Variants in IQSEC1 observed in about 807,000 individuals in gnomAD.
IQSEC1 encodes the protein IQ motif and SEC7 domain-containing protein 1.
Under a neutral mutation model 91.0 loss-of-function variants are expected in IQSEC1, and 31 were observed. The ratio of observed to expected loss-of-function variants is 0.34; its 90% CI spans 0.26 to 0.46. The LOEUF is 0.46. Among genes scored for constraint, IQSEC1 ranks in the 20% least tolerant of loss-of-function variants. The probability of loss-of-function intolerance (pLI) is 1.00; values close to 1 mark genes in which losing one functional copy is unlikely to be tolerated. For synonymous variants in IQSEC1, 699 were observed against 662.6 expected (o/e 1.05, Z -0.84); for missense variants, 1,388 against 1,575.6 (o/e 0.88, Z 2.02).
chr3:12,921,960 C>T (rs908185756), intron 5 of IQSEC1, among the ~76,000 whole-genome samples, 160 bp downstream of exon 5: 30 of 152,344 alleles, frequency 2.0e-4, no homozygotes, highest in African/African-American at 4.3e-4. Context: ...GTGCCTGGAA[C>T]GTAGGAGGAG....
intron 2 of IQSEC1, among the ~76,000 whole-genome samples, chr3:13,141,218 G>A (rs1052750214): frequency 6.6e-6 from 1 of 152,142 alleles, no homozygotes; most frequent in Admixed American, 6.5e-5. Context: ...AAGCCAATTT[G>A]GTTTTCCATG....
intron 1 of IQSEC1, among the ~76,000 whole-genome samples, chr3:13,276,212 C>T (rs1049851115): frequency 7.9e-5 from 12 of 151,258 alleles, no homozygotes; most frequent in Non-Finnish European, 1.6e-4. Context: ...CCTCAGCCTC[C>T]CAAGTAGCTG....
At chr3:12,931,484 G>A (rs553087830) in intron 3 of IQSEC1, among the ~76,000 whole-genome samples, 14 of 152,266 alleles carry the variant, frequency 9.2e-5, no homozygotes, top group East Asian at 7.7e-4. Flanking sequence ...GACAATAGGC[G>A]GAAGGTGTTC....
Position 12,908,517 on chromosome 3 carries a change from CG to C in IQSEC1, c.2586del (p.Glu863ArgfsTer26). On this transcript the variant is annotated frameshift_variant, in exon 12 of 14. Transcript: ENST00000613206. LOFTEE classifies it high-confidence loss of function. This position sits in a 1 kb window ranked among gnomAD's most constrained non-coding sequence, Gnocchi z 4.9. ...EMEKHRIESE[L>X]EKQKGVVRPS... ...GGCCGCACGACGCCTTTCTGCTTCT[CG>C]AGCTCCGCTGGAACAGAGAGGGTGA... is the stretch of plus-strand genomic sequence containing the variant. The C allele has an allele frequency of 1.2e-6, 2 of 1,613,556 alleles. No homozygotes were observed. The highest frequency in any genetic ancestry group is 1.7e-6 in the Non-Finnish European group (2 of 1,180,018).
intron 1 of IQSEC1, among the ~76,000 whole-genome samples, chr3:13,009,334 G>A (rs1702772335): frequency 6.6e-6 from 1 of 152,120 alleles, no homozygotes; most frequent in Non-Finnish European, 1.5e-5. Flanking sequence ...TTTCCCCTTT[G>A]TGCCATGAGG....
chr3:12,956,513 C>G (rs886848203), intron 1 of IQSEC1, among the ~76,000 whole-genome samples: 3 of 152,222 alleles, frequency 2.0e-5, no homozygotes, highest in African/African-American at 7.2e-5. Context: ...CCATGGTCAT[C>G]ATAACCACCA....
intron 1 of IQSEC1, among the ~76,000 whole-genome samples, chr3:12,957,915 T>C (rs1379652321): frequency 6.6e-6 from 1 of 152,254 alleles, no homozygotes; most frequent in African/African-American, 2.4e-5. Flanking sequence ...GCTCCACACT[T>C]GGTGTTGTAA....
intron 2 of IQSEC1, among the ~76,000 whole-genome samples, chr3:13,080,192 T>C (rs1000083532): frequency 6.6e-6 from 1 of 152,146 alleles, no homozygotes; most frequent in Non-Finnish European, 1.5e-5. Context: ...ATAGATCCCC[T>C]CATGGGGGAA....
chr3:13,212,316 C>T (rs1449211002), intron 1 of IQSEC1, among the ~76,000 whole-genome samples: 2 of 152,220 alleles, frequency 1.3e-5, no homozygotes, highest in African/African-American at 4.8e-5. Flanking sequence ...TTGCACCTAG[C>T]ATGTTTTTAG....
At chr3:13,241,335 GA>G (rs1424577511) in intron 1 of IQSEC1, among the ~76,000 whole-genome samples, 1 of 152,232 alleles carries the variant, frequency 6.6e-6, no homozygotes, top group Non-Finnish European at 1.5e-5. Flanking sequence ...GGACGACCTG[GA>G]AATCCCCTGC....
At chr3:13,247,006 T>C (rs1472507434) in intron 1 of IQSEC1, among the ~76,000 whole-genome samples, 1 of 151,992 alleles carries the variant, frequency 6.6e-6, no homozygotes, top group Non-Finnish European at 1.5e-5. Context: ...TGAAAGGAGG[T>C]TGCAAATACC....
At chr3:13,245,374 C>T (rs1695091303) in intron 1 of IQSEC1, among the ~76,000 whole-genome samples, 1 of 152,230 alleles carries the variant, frequency 6.6e-6, no homozygotes, top group Non-Finnish European at 1.5e-5. Flanking sequence ...CTGCCACATT[C>T]TCCTGGCCAA....
chr3:13,060,901 CA>C (rs140778753), intron 1 of IQSEC1, among the ~76,000 whole-genome samples: 1 of 151,526 alleles, frequency 6.6e-6, no homozygotes, highest in East Asian at 1.9e-4. Context: ...CACCTCAGCC[CA>C]GGGGGGAGCC....
At chr3:12,923,787 CGTT>C (rs1696854827) in intron 4 of IQSEC1, among the ~76,000 whole-genome samples, 1 of 152,256 alleles carries the variant, frequency 6.6e-6, no homozygotes, top group African/African-American at 2.4e-5. Context: ...CCCCAGCCCT[CGTT>C]GGTCCCCTCG....
At chr3:13,169,490 T>C (rs1478047222) in intron 1 of IQSEC1, among the ~76,000 whole-genome samples, 1 of 152,212 alleles carries the variant, frequency 6.6e-6, no homozygotes, top group Non-Finnish European at 1.5e-5. Context: ...GAAGCGACTT[T>C]GGAACCAGGT....
intron 1 of IQSEC1, chr3:13,015,825 AC>A (rs773949065): frequency 3.4e-5 from 20 of 596,844 alleles, no homozygotes; most frequent in Non-Finnish European, 3.8e-5. Context: ...GGTCTGGCAA[AC>A]CCAAATGGCT....
At chr3:13,169,738 T>TAG (rs1693573103) in intron 1 of IQSEC1, among the ~76,000 whole-genome samples, 1 of 152,194 alleles carries the variant, frequency 6.6e-6, no homozygotes, top group Admixed American at 6.5e-5. Context: ...GCCTCTGCTC[T>TAG]AGAGATTTGT....
chr3:13,042,215 G>A (rs1207089793), intron 1 of IQSEC1: 1 of 152,150 alleles, frequency 6.6e-6, no homozygotes, highest in Non-Finnish European at 1.5e-5. Context: ...CAATCGGGCA[G>A]GATCAGGGCG....
chr3:13,183,501 G>A (rs1489578143), intron 1 of IQSEC1, among the ~76,000 whole-genome samples: 1 of 151,966 alleles, frequency 6.6e-6, no homozygotes, highest in Non-Finnish European at 1.5e-5. Flanking sequence ...GGGAGGCAGA[G>A]GTTGCAGTGA....
Sources: allele counts gnomAD v4.1 joint callset (sites outside exome capture counted in the v4.1 genomes callset), GRCh38; gene constraint gnomAD v4.1.1; non-coding constraint Gnocchi (gnomAD v3.1); transcripts MANE v1.5; gene names NCBI Gene and HGNC (gene_info 2026-07-23, HGNC 2026-07-21).